Variants in PPP1R21 observed in about 807,000 individuals in gnomAD.
The protein encoded by PPP1R21 is protein phosphatase 1 regulatory subunit 21, also known as KLRAQ motif containing 1.
A neutral mutation model predicts 112.8 loss-of-function variants in PPP1R21; 85 were observed. The observed-to-expected ratio is 0.75, with a 90% CI of 0.63 to 0.90. The LOEUF (loss-of-function observed/expected upper bound fraction) is 0.90, where lower values mean the gene tolerates loss of function less well. Among genes scored for constraint, PPP1R21 ranks in the 40% least tolerant of loss-of-function variants. The pLI, the probability that PPP1R21 is intolerant of heterozygous loss-of-function variation, is 0.00. For missense variants in PPP1R21, 1,199 were observed against 901.5 expected (o/e 1.33, Z -4.23); for synonymous variants, 381 against 322.3 (o/e 1.18, Z -1.95).
At chr2:48,457,964 T>C (rs558806090) in intron 3 of PPP1R21, 162 bp from the exon 4 acceptor site, 3 of 596,986 alleles carry the variant, frequency 5.0e-6, no homozygotes, top group African/African-American at 1.9e-5. Context: ...TTGTGTCACA[T>C]AGGAAAAGTT....
At chr2:48,507,169 A>T in intron 18 of PPP1R21, 100 bp from the exon 19 acceptor site, 1 of 1,394,454 alleles carries the variant, frequency 7.2e-7, no homozygotes, top group Non-Finnish European at 9.3e-7. Context: ...TCAAAGTTCA[A>T]GTGAGAATGT....
At position 48,513,353 on chromosome 2, in the gene PPP1R21, C is replaced by T. The variant is rs982017398; in HGVS notation, c.2314-1362C>T. ...CCTAGTAACTGGGACTACAGGCATG[C>T]ACCACCATGCCCGGCTAATTTTTTT... On this transcript the variant is annotated intron_variant, in intron 21 of 21. Coordinates refer to ENST00000294952, the MANE Select transcript of PPP1R21 (RefSeq NM_001135629.3). Among the ~76,000 whole-genome samples, 4 of 151,632 alleles carry T rather than the reference C, an allele frequency of 2.6e-5. No individual in the cohort carries two copies. In the South Asian group the frequency reaches 6.3e-4, roughly 24 times the overall value.
chr2:48,479,553 TTGGGTAAGAG>T, intron 12 of PPP1R21: 1 of 483,764 alleles, frequency 2.1e-6, no homozygotes, highest in Non-Finnish European at 4.2e-6. Flanking sequence ...TCTGTGATAT[TTGGGTAAGAG>T]TGTTTTAGCG....
chr2:48,487,767 A>G (rs927379464), intron 14 of PPP1R21, among the ~76,000 whole-genome samples: 17 of 152,010 alleles, frequency 1.1e-4, no homozygotes, highest in Admixed American at 1.1e-3. Flanking sequence ...TCTCAAAAAA[A>G]AAAAAAAAAA....
chr2:48,514,404 C>T (rs1348443134), intron 21 of PPP1R21, among the ~76,000 whole-genome samples: 2 of 152,112 alleles, frequency 1.3e-5, no homozygotes, highest in Non-Finnish European at 2.9e-5. Flanking sequence ...CTTAGACTCT[C>T]TTGTCTTTGG....
intron 1 of PPP1R21, among the ~76,000 whole-genome samples, chr2:48,445,482 A>G (rs1160360782): frequency 1.3e-5 from 2 of 152,112 alleles, no homozygotes; most frequent in Admixed American, 6.5e-5. Context: ...TCACTTGAAG[A>G]CCTTGTTAAA....
At chr2:48,497,861 C>T (rs1305696459) in intron 16 of PPP1R21, among the ~76,000 whole-genome samples, 2 of 151,996 alleles carry the variant, frequency 1.3e-5, no homozygotes, top group Admixed American at 1.3e-4. Flanking sequence ...CTGTGTTAGC[C>T]AGGATGGTCT....
chr2:48,451,311 A>G (rs532435652), intron 2 of PPP1R21, among the ~76,000 whole-genome samples: 3 of 152,328 alleles, frequency 2.0e-5, no homozygotes, highest in African/African-American at 7.2e-5. Context: ...ACTTTGTCTA[A>G]TGCATTACTC....
At chr2:48,504,624 G>C (rs1295244729) in intron 17 of PPP1R21, among the ~76,000 whole-genome samples, 1 of 152,014 alleles carries the variant, frequency 6.6e-6, no homozygotes, top group African/African-American at 2.4e-5. Flanking sequence ...CTGGGCAACA[G>C]GGTGAGACTC....
At chr2:48,479,628 A>G (rs1392267525) in intron 12 of PPP1R21, 1 of 577,844 alleles carries the variant, frequency 1.7e-6, no homozygotes, top group South Asian at 1.6e-5. Flanking sequence ...ATAACAAGGT[A>G]AACATTCACA....
intron 21 of PPP1R21, among the ~76,000 whole-genome samples, chr2:48,512,375 T>C (rs1670683220): frequency 6.8e-6 from 1 of 147,436 alleles, no homozygotes; most frequent in Non-Finnish European, 1.5e-5. Flanking sequence ...CATCATCTCA[T>C]GTGCTTAGTC....
chr2:48,461,007 C>G (rs936869394), intron 6 of PPP1R21, 131 bp from the exon 7 acceptor site: 1 of 1,402,890 alleles, frequency 7.1e-7, no homozygotes, highest in African/African-American at 1.5e-5. Flanking sequence ...TAACAACTCT[C>G]TGCCAAGAGT....
chr2:48,487,644 C>T (rs1402879625), intron 14 of PPP1R21, among the ~76,000 whole-genome samples: 1 of 151,706 alleles, frequency 6.6e-6, no homozygotes, highest in African/African-American at 2.4e-5. Context: ...GTCTGTGGTC[C>T]CAGCTACTTG....
chr2:48,442,750 A>G (rs1229201977), intron 1 of PPP1R21, among the ~76,000 whole-genome samples: 5 of 152,194 alleles, frequency 3.3e-5, no homozygotes, highest in African/African-American at 7.2e-5. Context: ...GTTTGCTGGT[A>G]TGAAAGCTCA....
chr2:48,511,569 GTGTT>G, intron 21 of PPP1R21, 101 bp downstream of exon 21: 1 of 1,435,080 alleles, frequency 7.0e-7, no homozygotes, highest in South Asian at 1.3e-5. Flanking sequence ...AAGATTTAAA[GTGTT>G]TGTAAGGGCC....
chr2:48,488,916 C>A (rs916917080), intron 14 of PPP1R21, among the ~76,000 whole-genome samples: 4 of 152,138 alleles, frequency 2.6e-5, no homozygotes, highest in Non-Finnish European at 2.9e-5. Flanking sequence ...AAAGAAACCT[C>A]ACAATGTACT....
At chr2:48,466,337 A>G (rs777755143) in intron 9 of PPP1R21, among the ~76,000 whole-genome samples, 1 of 151,398 alleles carries the variant, frequency 6.6e-6, no homozygotes, top group Non-Finnish European at 1.5e-5. Context: ...TCAGCTTCCC[A>G]ACTAGCTGGG....
intron 17 of PPP1R21, among the ~76,000 whole-genome samples, chr2:48,505,064 T>C (rs1048118550): frequency 1.3e-5 from 2 of 152,244 alleles, no homozygotes; most frequent in Non-Finnish European, 2.9e-5. Context: ...TTTGTTTTCA[T>C]TAATTTAAAT....
chr2:48,483,964 A>G (rs1669155979), intron 13 of PPP1R21, among the ~76,000 whole-genome samples: 1 of 152,124 alleles, frequency 6.6e-6, no homozygotes, highest in African/African-American at 2.4e-5. Flanking sequence ...CTGGGATTAC[A>G]TGCATGAACT....
Sources: gnomAD v4.1 joint callset for allele counts (sites outside exome capture counted in the v4.1 genomes callset) on GRCh38, gnomAD v4.1.1 for gene constraint, MANE v1.5 for transcripts, NCBI Gene and HGNC (gene_info 2026-07-23, HGNC 2026-07-21) for gene names.